The following TENM2 variants were observed in gnomAD, a reference collection of about 807,000 sequenced individuals.
TENM2 encodes teneurin transmembrane protein 2.
TENM2 carries 52 observed loss-of-function variants against 245.2 expected under a neutral mutation model. That is an observed-to-expected ratio of 0.21 (90% confidence interval 0.17 to 0.27). The LOEUF (loss-of-function observed/expected upper bound fraction) is 0.27. Ranked by LOEUF, TENM2 falls within the 10% of genes least tolerant of loss-of-function variation. The probability of loss-of-function intolerance (pLI) is 1.00; values close to 1 mark genes in which losing one functional copy is unlikely to be tolerated. For synonymous variants in TENM2, 1,363 were observed against 1,438.9 expected (o/e 0.95, Z 1.19); for missense variants, 3,046 against 3,666.8 (o/e 0.83, Z 4.37).
At chr5:168,223,013 A>G (rs1763803078) in intron 23 of TENM2, among the ~76,000 whole-genome samples, 1 of 152,202 alleles carries the variant, frequency 6.6e-6, no homozygotes, top group Non-Finnish European at 1.5e-5. Flanking sequence ...TTGAGATCCC[A>G]TTGCTGGAAC....
chr5:168,037,659 A>G (rs1787833304), intron 5 of TENM2, among the ~76,000 whole-genome samples: 1 of 151,680 alleles, frequency 6.6e-6, no homozygotes, highest in Non-Finnish European at 1.5e-5. Context: ...AGTCCACCTC[A>G]TTTTGTCTTT....
At chr5:168,080,359 T>C (rs113642940) in intron 7 of TENM2, among the ~76,000 whole-genome samples, 2 of 152,338 alleles carry the variant, frequency 1.3e-5, no homozygotes, top group South Asian at 4.1e-4. Flanking sequence ...CTATCAATTT[T>C]GTTGATCTTT....
chr5:168,016,032 G>A (rs1265435527), intron 5 of TENM2, among the ~76,000 whole-genome samples: 1 of 152,156 alleles, frequency 6.6e-6, no homozygotes, highest in East Asian at 1.9e-4. Flanking sequence ...CTGTTAACCT[G>A]AGCTGCAACC....
At chr5:167,411,573 A>T (rs867061927) in intron 2 of TENM2, among the ~76,000 whole-genome samples, 6 of 145,046 alleles carry the variant, frequency 4.1e-5, no homozygotes, top group Middle Eastern at 3.3e-3. Flanking sequence ...TGTAGGTGAG[A>T]GTGTGTGTGT....
intron 3 of TENM2, among the ~76,000 whole-genome samples, chr5:167,897,587 T>C (rs947998758): frequency 2.6e-5 from 4 of 152,214 alleles, no homozygotes; most frequent in African/African-American, 4.8e-5. Flanking sequence ...TACAGACTTA[T>C]CTGCCTGCCA....
chr5:167,370,957 C>G (rs77666255), intron 1 of TENM2, among the ~76,000 whole-genome samples: 1 of 152,164 alleles, frequency 6.6e-6, no homozygotes, highest in African/African-American at 2.4e-5. Context: ...AAATCAGTCT[C>G]CCATCGATGA....
At chr5:167,429,300 G>A (rs991882914) in intron 2 of TENM2, among the ~76,000 whole-genome samples, 1 of 152,146 alleles carries the variant, frequency 6.6e-6, no homozygotes, top group Non-Finnish European at 1.5e-5. Context: ...GAGTAGCAGA[G>A]AATTCATTTG....
rs866200934 is a variant in TENM2 at position 167,730,968 on chromosome 5, A to G, written c.503-145018A>G. 3.1e-4 allele frequency among the ~76,000 whole-genome samples: 47 copies of G among 152,204 alleles called. 1 individual carries two copies. Among genetic ancestry groups the G allele is most frequent in the African/African-American group, 1.1e-3 (46 of 41,452 alleles). On this transcript the variant is annotated intron_variant, in intron 2 of 28. Coordinates refer to ENST00000518659, the Ensembl canonical transcript of TENM2. ...CATTGGTTCAGTTATAAGACACTCC[A>G]TGCACTATTGAAATACGACCTAGGA...
the TENM2 span, among the ~76,000 whole-genome samples, chr5:167,235,578 G>A: frequency 6.6e-6 from 1 of 152,092 alleles, no homozygotes; most frequent in Non-Finnish European, 1.5e-5. Context: ...ATTTTATCAG[G>A]TATTGATCGC....
chr5:167,399,180 T>C (rs571655378), intron 2 of TENM2, among the ~76,000 whole-genome samples: 60 of 152,304 alleles, frequency 3.9e-4, no homozygotes, highest in African/African-American at 1.3e-3. Context: ...CATTTTGTTC[T>C]TCAAGGAAAG....
At chr5:167,624,453 T>C (rs946722689) in intron 2 of TENM2, among the ~76,000 whole-genome samples, 1 of 152,124 alleles carries the variant, frequency 6.6e-6, no homozygotes, top group African/African-American at 2.4e-5. Context: ...AAACTACCTA[T>C]TGGATATTAT....
chr5:167,098,527 C>A, the TENM2 span, among the ~76,000 whole-genome samples: 2 of 152,170 alleles, frequency 1.3e-5, no homozygotes, highest in Non-Finnish European at 2.9e-5. Flanking sequence ...GCCCTCATCT[C>A]TTGCAGCGCT....
chr5:167,061,019 G>T, the TENM2 span, among the ~76,000 whole-genome samples: 2 of 151,840 alleles, frequency 1.3e-5, no homozygotes, highest in Non-Finnish European at 2.9e-5. Flanking sequence ...AGTTTTCCAG[G>T]TGATTCTTCT....
chr5:167,575,041 A>T (rs998691608), intron 2 of TENM2, among the ~76,000 whole-genome samples: 1 of 151,152 alleles, frequency 6.6e-6, no homozygotes, highest in Admixed American at 6.6e-5. Context: ...TTTTAACCTC[A>T]GTCTTTGTTG....
chr5:167,298,139 G>A (rs1016826306), intron 1 of TENM2, among the ~76,000 whole-genome samples: 1 of 152,246 alleles, frequency 6.6e-6, no homozygotes, highest in Non-Finnish European at 1.5e-5. Flanking sequence ...AATGGGCGAC[G>A]TTTCTCAGGG....
chr5:167,127,648 G>GA, the TENM2 span, among the ~76,000 whole-genome samples: 2,121 of 132,984 alleles, frequency 0.016, 57 homozygotes, highest in African/African-American at 0.05. Context: ...AAAGGAAAAG[G>GA]AAAAAAAAAA....
At chr5:167,120,435 G>A in the TENM2 span, among the ~76,000 whole-genome samples, 3,331 of 152,282 alleles carry the variant, frequency 0.022, 64 homozygotes, top group South Asian at 0.082. Context: ...AATCTGAATC[G>A]AGGAAAATCA....
chr5:167,816,931 C>T (rs1583084554), intron 2 of TENM2, among the ~76,000 whole-genome samples: 1 of 152,188 alleles, frequency 6.6e-6, no homozygotes, highest in South Asian at 2.1e-4. Context: ...AAGAGAAATG[C>T]TAACTTAATG....
intron 2 of TENM2, among the ~76,000 whole-genome samples, chr5:167,607,885 G>A (rs957504953): frequency 3.3e-5 from 5 of 152,024 alleles, no homozygotes; most frequent in South Asian, 2.1e-4. Flanking sequence ...TAACCCACCC[G>A]CCCCTACATA....
Sources: allele counts gnomAD v4.1 joint callset (sites outside exome capture counted in the v4.1 genomes callset), GRCh38; gene constraint gnomAD v4.1.1; transcripts MANE v1.5; gene names NCBI Gene and HGNC (gene_info 2026-07-23, HGNC 2026-07-21).